Variants in JARID2 observed in about 807,000 individuals in gnomAD.
JARID2 encodes the protein jumonji and AT-rich interaction domain containing 2.
A neutral mutation model predicts 125.6 loss-of-function variants in JARID2; 21 were observed. The observed-to-expected ratio is 0.17, with a 90% CI of 0.12 to 0.24. The LOEUF is 0.24. Ranked by LOEUF, JARID2 falls within the 10% of genes least tolerant of loss-of-function variation. JARID2 has a pLI of 1.00. For synonymous variants in JARID2, 736 were observed against 661.6 expected (o/e 1.11, Z -1.73); for missense variants, 1,303 against 1,639.6 (o/e 0.79, Z 3.55).
chr6:15,415,038 A>G (rs1031023050), intron 3 of JARID2, among the ~76,000 whole-genome samples: 4 of 152,228 alleles, frequency 2.6e-5, no homozygotes, highest in South Asian at 4.1e-4. Flanking sequence ...GCTGCCTTCA[A>G]GCATCTGTTT....
intron 1 of JARID2, among the ~76,000 whole-genome samples, chr6:15,323,985 A>T (rs191490646): frequency 0.02 from 3,076 of 151,350 alleles, 55 homozygotes; most frequent in Non-Finnish European, 0.03. Flanking sequence ...GATCGAGACC[A>T]TCCTGGCTAA....
chr6:15,308,070 T>C (rs1761897238), intron 1 of JARID2, among the ~76,000 whole-genome samples: 1 of 152,312 alleles, frequency 6.6e-6, no homozygotes, highest in African/African-American at 2.4e-5. Flanking sequence ...CTCCTTAAAT[T>C]TTTCTGGTTT....
At chr6:15,508,761 T>G (rs891180623) in intron 12 of JARID2, among the ~76,000 whole-genome samples, 3 of 152,236 alleles carry the variant, frequency 2.0e-5, no homozygotes, top group Non-Finnish European at 4.4e-5. Context: ...CCTACTTACG[T>G]CTGTTTTTGT....
intron 2 of JARID2, among the ~76,000 whole-genome samples, chr6:15,404,103 T>C (rs1255262562): frequency 2.6e-5 from 4 of 152,214 alleles, no homozygotes; most frequent in Non-Finnish European, 5.9e-5. Context: ...GCCACCGACA[T>C]CCTGCCTCAT....
intron 2 of JARID2, among the ~76,000 whole-genome samples, chr6:15,381,874 C>T (rs564671793): frequency 6.6e-6 from 1 of 152,298 alleles, no homozygotes; most frequent in South Asian, 2.1e-4. Context: ...CAAAACAGTG[C>T]TTCCAATGAT....
intron 1 of JARID2, among the ~76,000 whole-genome samples, chr6:15,335,978 C>T (rs553126042): frequency 1.3e-5 from 2 of 152,120 alleles, no homozygotes; most frequent in South Asian, 2.1e-4. Flanking sequence ...CCCAGCTACT[C>T]AAGAGGCTAA....
At chr6:15,396,881 A>G (rs1009731967) in intron 2 of JARID2, among the ~76,000 whole-genome samples, 1 of 152,218 alleles carries the variant, frequency 6.6e-6, no homozygotes, top group African/African-American at 2.4e-5. Context: ...TAGTTTCACG[A>G]GTTTGCATAC....
At chr6:15,256,851 A>G (rs771238821) in intron 1 of JARID2, among the ~76,000 whole-genome samples, 11 of 152,346 alleles carry the variant, frequency 7.2e-5, no homozygotes, top group South Asian at 4.1e-4. Context: ...TTGTAGGTCA[A>G]TGTTAATGTC....
chr6:15,388,095 A>T (rs1232142768), intron 2 of JARID2, among the ~76,000 whole-genome samples: 1 of 152,160 alleles, frequency 6.6e-6, no homozygotes, highest in African/African-American at 2.4e-5. Context: ...GAAAGGCTTC[A>T]TGTGTTTTCT....
chr6:15,286,401 A>T (rs1292107257), intron 1 of JARID2, among the ~76,000 whole-genome samples: 1 of 151,250 alleles, frequency 6.6e-6, no homozygotes, highest in Non-Finnish European at 1.5e-5. Flanking sequence ...ACAGGTGCCC[A>T]CCACCACACC....
chr6:15,449,692 A>G (rs1328670977), intron 3 of JARID2, among the ~76,000 whole-genome samples: 1 of 152,062 alleles, frequency 6.6e-6, no homozygotes, highest in Non-Finnish European at 1.5e-5. Flanking sequence ...TAAAAAAAAA[A>G]AGTGCTCTGA....
intron 5 of JARID2, among the ~76,000 whole-genome samples, chr6:15,471,665 G>C (rs1769083275): frequency 6.6e-6 from 1 of 152,108 alleles, no homozygotes; most frequent in Non-Finnish European, 1.5e-5. Flanking sequence ...AGAGACATTG[G>C]ATTCACATGC....
rs556386191 is a variant in JARID2 at position 15,346,174 on chromosome 6, A to G, written c.46-27943A>G. 2.5e-4 allele frequency among the ~76,000 whole-genome samples: 38 copies of G among 152,358 alleles called. 1 individual carries two copies. The South Asian group carries it at 7.5e-3, about 30-fold the overall frequency. On this transcript the variant is annotated intron_variant, in intron 1 of 17. Transcript: ENST00000341776. ...GTGAACATTACTTTTGTGGCATAAA[A>G]TAGTTTAAATGTGCTTCCCAAAGAT...
At chr6:15,511,969 G>C (rs923992595) in intron 13 of JARID2, among the ~76,000 whole-genome samples, 2 of 152,192 alleles carry the variant, frequency 1.3e-5, no homozygotes, top group African/African-American at 2.4e-5. Flanking sequence ...TTGCCACGTG[G>C]GGACAGAGGG....
chr6:15,377,419 A>G (rs1365463620), intron 2 of JARID2, among the ~76,000 whole-genome samples: 1 of 152,136 alleles, frequency 6.6e-6, no homozygotes, highest in Non-Finnish European at 1.5e-5. Context: ...GGGAGATACA[A>G]TTCAAGTTGA....
At chr6:15,264,549 A>C (rs1760005776) in intron 1 of JARID2, among the ~76,000 whole-genome samples, 2 of 151,828 alleles carry the variant, frequency 1.3e-5, no homozygotes, top group African/African-American at 4.8e-5. Flanking sequence ...TTTTCTCTGC[A>C]GTGGCCAAGT....
chr6:15,281,583 C>G (rs1479771631), intron 1 of JARID2, among the ~76,000 whole-genome samples: 1 of 152,130 alleles, frequency 6.6e-6, no homozygotes, highest in African/African-American at 2.4e-5. Context: ...GCGTGGGGGG[C>G]CCCCCACTTC....
chr6:15,271,217 T>C (rs1056688279), intron 1 of JARID2, among the ~76,000 whole-genome samples: 2 of 152,136 alleles, frequency 1.3e-5, no homozygotes, highest in African/African-American at 2.4e-5. Flanking sequence ...GCATGCAGGA[T>C]TGGGACCAAG....
intron 5 of JARID2, among the ~76,000 whole-genome samples, chr6:15,486,812 T>TTTTTTTTTTTTTTTTTTTTTTTTTTG: frequency 6.8e-6 from 1 of 147,122 alleles, no homozygotes; most frequent in African/African-American, 2.6e-5. Context: ...TAGACTTTTT[T>TTTTTTTTTTTTTTTTTTTTTTTTTTG]TTTTTTTTTT....
Sources: gnomAD v4.1 joint callset for allele counts (sites outside exome capture counted in the v4.1 genomes callset) on GRCh38, gnomAD v4.1.1 for gene constraint, MANE v1.5 for transcripts, NCBI Gene and HGNC (gene_info 2026-07-23, HGNC 2026-07-21) for gene names.